SDCCAG8: variants seen among roughly 807,000 people sequenced by gnomAD.
SDCCAG8 encodes the protein SHH signaling and ciliogenesis regulator SDCCAG8, also known as serologically defined colon cancer antigen 8.
Under a neutral mutation model 101.8 loss-of-function variants are expected in SDCCAG8, and 74 were observed. That is an observed-to-expected ratio of 0.73 (90% confidence interval 0.60 to 0.88). The LOEUF (loss-of-function observed/expected upper bound fraction) is 0.88. Among genes scored for constraint, SDCCAG8 ranks in the 40% least tolerant of loss-of-function variants. The pLI is 0.00. For synonymous variants in SDCCAG8, 281 were observed against 292.9 expected, an observed-to-expected ratio of 0.96 and a Z score of 0.41; for missense variants, 787 against 822.6, an observed-to-expected ratio of 0.96 and a Z score of 0.53.
intron 16 of SDCCAG8, among the ~76,000 whole-genome samples, chr1:243,480,543 GGAT>G (rs1441507621): frequency 2.8e-5 from 1 of 35,298 alleles, no homozygotes; most frequent in Non-Finnish European, 6.0e-5. Context: ...ATGGATGGGT[GGAT>G]GGATGGATGG....
intron 13 of SDCCAG8, 78 bp from the exon 14 acceptor site, chr1:243,415,624 C>T (rs1250305408): frequency 1.3e-6 from 2 of 1,595,824 alleles, no homozygotes; most frequent in East Asian, 4.5e-5. Context: ...TATCAGCTCT[C>T]TCTGGTCTAT....
chr1:243,293,112 A>T lies in SDCCAG8; in HGVS notation c.568A>T (p.Ile190Phe), dbSNP rs753378200. The part of the protein sequence containing the change: ...DASGNMHNSW[I>F]TTGEDSGVGE... Reference sequence around the variant, plus strand: ...TTAGGGAAACATGCACAATTCTTGGATTACAACAGGTGAAGATTCTGGGGT... The same window carrying T: ...TTAGGGAAACATGCACAATTCTTGGTTTACAACAGGTGAAGATTCTGGGGT... Residue 190 changes from isoleucine to phenylalanine, a missense_variant, in exon 6 of 18, where the codon ATT becomes TTT. By Grantham distance (21) the Ile-to-Phe change is conservative. Transcript: ENST00000366541. The T allele has an allele frequency of 6.2e-7, 1 of 1,614,146 alleles. No homozygotes were observed. Among genetic ancestry groups the T allele is most frequent in the South Asian group, 1.1e-5 (1 of 91,086 alleles).
At position 243,471,026 on chromosome 1, in the gene SDCCAG8, C is replaced by T. The variant is rs901565205; in HGVS notation, c.1986-17988C>T. On this transcript the variant is annotated intron_variant, in intron 16 of 17. Transcript: ENST00000366541. ...ATCTGTATAGGCAGAGGTACACAAG[C>T]ATGCTCTCCCCTCAGTCTGTCTCTC... is the stretch of plus-strand genomic sequence containing the variant. 2.6e-5 allele frequency among the ~76,000 whole-genome samples: 4 copies of T among 152,250 alleles called. No individual in the cohort carries two copies. In the South Asian group the frequency reaches 6.2e-4, roughly 24 times the overall value.
intron 11 of SDCCAG8, among the ~76,000 whole-genome samples, chr1:243,341,448 C>G (rs1318405777): frequency 6.6e-6 from 1 of 152,128 alleles, no homozygotes. Flanking sequence ...GACAGACTTA[C>G]AAATAAATAA....
intron 9 of SDCCAG8, among the ~76,000 whole-genome samples, chr1:243,319,628 C>T (rs755669032): frequency 4.1e-4 from 63 of 152,170 alleles, no homozygotes; most frequent in Non-Finnish European, 7.6e-4. Flanking sequence ...CCATCTTGGC[C>T]TCCCAAAGTG....
intron 17 of SDCCAG8, among the ~76,000 whole-genome samples, chr1:243,498,216 C>T (rs10803144): frequency 0.093 from 14,046 of 150,688 alleles, 1,095 homozygotes; most frequent in African/African-American, 0.22. Context: ...TTGGTGCAAA[C>T]CCTGCGTTTG....
chr1:243,498,664 T>C lies in SDCCAG8; in HGVS notation c.2113-1092T>C, dbSNP rs148189124. On this transcript the variant is annotated intron_variant, in intron 17 of 17. Coordinates refer to ENST00000366541, the MANE Select transcript of SDCCAG8 (RefSeq NM_006642.5). ...TTCATAAAAGGCAACAGGCTGATGT[T>C]CATATATTTCTCTTGAATGCGGATT... Among the ~76,000 whole-genome samples the C allele has an allele frequency of 8.0e-4, 122 of 152,378 alleles. 1 individual carries two copies. The highest frequency in any genetic ancestry group is 2.7e-3 in the African/African-American group (114 of 41,582).
Position 243,270,211 on chromosome 1 carries a change from T to A in SDCCAG8, c.174T>A (p.Asn58Lys), listed in dbSNP as rs368801248. The A allele has an allele frequency of 2.5e-6, 4 of 1,614,020 alleles. No individual in the cohort carries two copies. The highest frequency in any genetic ancestry group is 2.5e-6 in the Non-Finnish European group (3 of 1,180,030). ...PNLSFSTSVG[N>K]EDARTAWPEL... ...TTTCTTTTAGCACCAGTGTGGGAAA[T>A]GAGGACGCCAGGACAGCCTGGCCCG... The change falls in exon 2 of 18, where the codon AAT becomes AAA. Residue 58 changes from asparagine (N) to lysine (K), a missense_variant. Physicochemically the swap from Asn to Lys is moderately conservative, Grantham distance 94 (BLOSUM62 0). Transcript: ENST00000366541.
chr1:243,317,594 T>G (rs2073371362), intron 9 of SDCCAG8, among the ~76,000 whole-genome samples: 1 of 152,242 alleles, frequency 6.6e-6, no homozygotes, highest in South Asian at 2.1e-4. Context: ...GTGCTGAGAT[T>G]ACAGGCGTGA....
intron 13 of SDCCAG8, among the ~76,000 whole-genome samples, chr1:243,380,263 A>G (rs1041276916): frequency 2.6e-5 from 4 of 152,212 alleles, no homozygotes; most frequent in African/African-American, 7.2e-5. Context: ...TGAGAACATA[A>G]CGTTAGCATA....
intron 16 of SDCCAG8, among the ~76,000 whole-genome samples, chr1:243,435,368 A>G (rs2039839): frequency 0.5 from 76,487 of 152,002 alleles, 20,787 homozygotes; most frequent in East Asian, 0.78. Flanking sequence ...ACTGCCTAAA[A>G]TAATCCACAA....
At chr1:243,386,768 T>TGAACGA (rs1553336963) in intron 13 of SDCCAG8, among the ~76,000 whole-genome samples, 7,659 of 143,446 alleles carry the variant, frequency 0.053, 287 homozygotes, top group African/African-American at 0.099. Context: ...AGAAAGAAAG[T>TGAACGA]GAGAGAGAGA....
intron 9 of SDCCAG8, among the ~76,000 whole-genome samples, chr1:243,321,158 G>A (rs1452021551): frequency 6.6e-6 from 1 of 151,666 alleles, no homozygotes; most frequent in African/African-American, 2.4e-5. Context: ...ATTGCCAAAT[G>A]TCCTCTGGTG....
chr1:243,489,149 C>T lies in SDCCAG8; in HGVS notation c.2112+9C>T. On this transcript the variant is annotated intron_variant, in intron 17 of 17. Transcript: ENST00000366541. ...ACCGGCTGCGGACCCAGGTACTGTGCAGAACGCGGCGCAGGTGGGAGTCCT... is the reference window on the plus strand; with the variant it reads ...ACCGGCTGCGGACCCAGGTACTGTGTAGAACGCGGCGCAGGTGGGAGTCCT... 1 of 1,611,438 alleles carries T rather than the reference C, an allele frequency of 6.2e-7. No homozygotes were observed. Among genetic ancestry groups the T allele is most frequent in the Non-Finnish European group, 8.5e-7 (1 of 1,179,596 alleles).
chr1:243,272,308 C>T (rs745446474), intron 3 of SDCCAG8, among the ~76,000 whole-genome samples: 2 of 152,202 alleles, frequency 1.3e-5, no homozygotes, highest in Non-Finnish European at 2.9e-5. Flanking sequence ...TTCTTCACCA[C>T]TGAAATATCA....
intron 9 of SDCCAG8, 27 bp from the exon 10 acceptor site, chr1:243,330,513 C>T (rs2074508607): frequency 2.5e-6 from 4 of 1,613,666 alleles, no homozygotes; most frequent in Admixed American, 3.3e-5. Flanking sequence ...TTCTAACCTC[C>T]TCTTTCAATC....
At chr1:243,369,789 CTTA>C (rs1234071935) in intron 12 of SDCCAG8, among the ~76,000 whole-genome samples, 8 of 152,214 alleles carry the variant, frequency 5.3e-5, no homozygotes, top group African/African-American at 1.4e-4. Flanking sequence ...CAATGCAAAA[CTTA>C]TTGTCAGACA....
chr1:243,265,772 C>A (rs369392829), intron 1 of SDCCAG8, among the ~76,000 whole-genome samples: 1 of 151,548 alleles, frequency 6.6e-6, no homozygotes, highest in East Asian at 1.9e-4. Flanking sequence ...AAGATCGCAC[C>A]ATTGCACTCC....
intron 12 of SDCCAG8, among the ~76,000 whole-genome samples, chr1:243,354,442 T>C (rs763131096): frequency 2.0e-5 from 3 of 152,218 alleles, no homozygotes; most frequent in Non-Finnish European, 4.4e-5. Context: ...TCTAGCCTTG[T>C]AAAGAGTTAA....
Sources: gnomAD v4.1 joint callset for allele counts (sites outside exome capture counted in the v4.1 genomes callset) on GRCh38, gnomAD v4.1.1 for gene constraint, MANE v1.5 for transcripts, NCBI Gene and HGNC (gene_info 2026-07-23, HGNC 2026-07-21) for gene names.